The following ADGRL3 variants were observed in gnomAD, a reference collection of about 807,000 sequenced individuals.
The protein encoded by ADGRL3 is adhesion G protein-coupled receptor L3, also known as calcium-independent alpha-latrotoxin receptor 3.
In ADGRL3, 62 loss-of-function variants were observed where a neutral mutation model predicts 153.5. The ratio of observed to expected loss-of-function variants is 0.40; its 90% CI spans 0.33 to 0.50. ADGRL3 has a LOEUF of 0.50. Ranked by LOEUF, ADGRL3 falls within the 20% of genes least tolerant of loss-of-function variation. The pLI is 0.47. For synonymous variants in ADGRL3, 710 were observed against 672.5 expected, an observed-to-expected ratio of 1.06 and a Z score of -0.86; for missense variants, 1,641 against 1,859.4, an observed-to-expected ratio of 0.88 and a Z score of 2.16.
At chr4:61,411,739 CA>C (rs1268704369) in intron 2 of ADGRL3, among the ~76,000 whole-genome samples, 1 of 152,066 alleles carries the variant, frequency 6.6e-6, no homozygotes, top group Non-Finnish European at 1.5e-5. Context: ...ATTTCATGCA[CA>C]TGTTAGGCTG....
chr4:61,536,918 A>G (rs147240917), intron 4 of ADGRL3, among the ~76,000 whole-genome samples: 427 of 152,204 alleles, frequency 2.8e-3, no homozygotes, highest in Non-Finnish European at 4.5e-3. Flanking sequence ...TATTCTTGTC[A>G]TAGTGTTGTT....
At chr4:61,991,786 A>G (rs934167850) in intron 19 of ADGRL3, among the ~76,000 whole-genome samples, 1 of 151,354 alleles carries the variant, frequency 6.6e-6, no homozygotes, top group Non-Finnish European at 1.5e-5. Flanking sequence ...TATACTTGGC[A>G]TATATACCTG....
chr4:61,654,128 T>C (rs2094364819), intron 5 of ADGRL3, among the ~76,000 whole-genome samples: 1 of 152,180 alleles, frequency 6.6e-6, no homozygotes, highest in South Asian at 2.1e-4. Context: ...CTAACTGCAA[T>C]TTTTTTGCTA....
intron 9 of ADGRL3, among the ~76,000 whole-genome samples, chr4:61,856,324 T>G (rs1244310861): frequency 6.6e-6 from 1 of 151,512 alleles, no homozygotes; most frequent in Non-Finnish European, 1.5e-5. Context: ...TTTCCCTTCC[T>G]TTCTCCCTCT....
chr4:61,593,405 G>T (rs761957110), intron 5 of ADGRL3, among the ~76,000 whole-genome samples: 11 of 151,520 alleles, frequency 7.3e-5, no homozygotes, highest in Non-Finnish European at 2.9e-5. Flanking sequence ...TTTCCTTCAG[G>T]TGATTTCTTA....
chr4:61,788,358 G>T (rs953924497), intron 8 of ADGRL3, among the ~76,000 whole-genome samples: 2 of 152,078 alleles, frequency 1.3e-5, no homozygotes, highest in Admixed American at 1.3e-4. Flanking sequence ...CACATCACAT[G>T]ACTCTTTGCA....
At chr4:61,260,648 T>G (rs1057431181) in intron 1 of ADGRL3, among the ~76,000 whole-genome samples, 5 of 152,188 alleles carry the variant, frequency 3.3e-5, no homozygotes, top group African/African-American at 4.8e-5. Flanking sequence ...TACATAGAAA[T>G]TTGACCGTCA....
intron 2 of ADGRL3, among the ~76,000 whole-genome samples, chr4:61,493,006 T>C (rs1434332602): frequency 1.3e-5 from 2 of 152,008 alleles, no homozygotes; most frequent in Non-Finnish European, 2.9e-5. Flanking sequence ...AAGATTTTTA[T>C]AAGAAAAGAA....
chr4:61,775,221 G>GC (rs2097133476), intron 8 of ADGRL3, among the ~76,000 whole-genome samples: 2 of 149,392 alleles, frequency 1.3e-5, no homozygotes, highest in Admixed American at 1.3e-4. Context: ...TCCTATGACA[G>GC]CTTTTTTTTT....
At chr4:61,951,858 G>A (rs186797018) in intron 17 of ADGRL3, among the ~76,000 whole-genome samples, 59 of 152,264 alleles carry the variant, frequency 3.9e-4, no homozygotes, top group East Asian at 2.7e-3. Flanking sequence ...AAGCAAGACT[G>A]TGTCACAAAC....
intron 1 of ADGRL3, among the ~76,000 whole-genome samples, chr4:61,311,833 C>T (rs1469129176): frequency 6.6e-6 from 1 of 152,056 alleles, no homozygotes; most frequent in African/African-American, 2.4e-5. Context: ...TACATTTGTC[C>T]AGACCCATAT....
Position 61,359,468 on chromosome 4 carries a change from G to A in ADGRL3, c.-239-23656G>A, listed in dbSNP as rs530373304. Among the ~76,000 whole-genome samples the A allele has an allele frequency of 7.9e-5, 12 of 152,088 alleles. No homozygotes were observed. The South Asian group carries it at 1.0e-3, about 13-fold the overall frequency. On this transcript the variant is annotated intron_variant, in intron 1 of 26. Coordinates refer to ENST00000683033, the MANE Select transcript of ADGRL3 (RefSeq NM_001387552.1). ...TCTTCTCCTCCCTCCCTCTGCAGCCGCCCATTAGCCCCCTTGCTGCTACAT... is the reference window on the plus strand; with the variant it reads ...TCTTCTCCTCCCTCCCTCTGCAGCCACCCATTAGCCCCCTTGCTGCTACAT...
intron 5 of ADGRL3, among the ~76,000 whole-genome samples, chr4:61,622,268 T>A (rs2092568554): frequency 6.6e-6 from 1 of 152,128 alleles, no homozygotes; most frequent in South Asian, 2.1e-4. Flanking sequence ...ATATGCAGAC[T>A]ATTCTATTAA....
chr4:61,761,297 T>A (rs1235746540), intron 8 of ADGRL3, among the ~76,000 whole-genome samples: 1 of 152,224 alleles, frequency 6.6e-6, no homozygotes, highest in African/African-American at 2.4e-5. Context: ...AGGGCTGTTA[T>A]CATCTTTGTT....
chr4:62,034,722 A>T (rs560803056), intron 23 of ADGRL3, among the ~76,000 whole-genome samples: 266 of 151,904 alleles, frequency 1.8e-3, no homozygotes, highest in African/African-American at 6.2e-3. Context: ...TATTTGTCGA[A>T]TGTTTCAACT....
intron 8 of ADGRL3, among the ~76,000 whole-genome samples, chr4:61,804,936 T>C (rs1353828867): frequency 1.4e-5 from 2 of 147,924 alleles, no homozygotes; most frequent in African/African-American, 5.0e-5. Context: ...TTTATTTATT[T>C]ATTTATTTAT....
intron 9 of ADGRL3, among the ~76,000 whole-genome samples, chr4:61,816,133 C>T (rs374394929): frequency 3.9e-5 from 6 of 152,008 alleles, no homozygotes; most frequent in Admixed American, 6.6e-5. Context: ...TTGGTGACTT[C>T]GGTAGAATTC....
chr4:61,342,501 G>A (rs1274033186), intron 1 of ADGRL3, among the ~76,000 whole-genome samples: 1 of 151,924 alleles, frequency 6.6e-6, no homozygotes. Flanking sequence ...CTGCATTCAT[G>A]CCTCCCACAC....
intron 2 of ADGRL3, among the ~76,000 whole-genome samples, chr4:61,452,118 G>A (rs1302962965): frequency 6.6e-6 from 1 of 152,134 alleles, no homozygotes; most frequent in African/African-American, 2.4e-5. Flanking sequence ...AACTCTGCAT[G>A]AATGTCCCTC....
Sources: gnomAD v4.1 joint callset for allele counts (sites outside exome capture counted in the v4.1 genomes callset) on GRCh38, gnomAD v4.1.1 for gene constraint, MANE v1.5 for transcripts, NCBI Gene and HGNC (gene_info 2026-07-23, HGNC 2026-07-21) for gene names.